PRKN: variants seen among roughly 807,000 people sequenced by gnomAD.
The protein encoded by PRKN is parkin RBR E3 ubiquitin protein ligase, also known as E3 ubiquitin-protein ligase parkin.
In PRKN, 56 loss-of-function variants were observed where a neutral mutation model predicts 59.5. That is an observed-to-expected ratio of 0.94 (90% CI 0.76 to 1.18). PRKN has a LOEUF of 1.18. Ranked by LOEUF, PRKN falls within the 50% of genes most tolerant of loss-of-function variation. The probability of loss-of-function intolerance (pLI) is 0.00; values close to 1 mark genes in which losing one functional copy is unlikely to be tolerated. For missense variants in PRKN, 657 were observed against 596.4 expected, an observed-to-expected ratio of 1.10 and a Z score of -1.06; for synonymous variants, 250 against 222.1, an observed-to-expected ratio of 1.13 and a Z score of -1.12.
intron 4 of PRKN, among the ~76,000 whole-genome samples, chr6:162,170,273 C>T (rs1050673844): frequency 5.9e-5 from 9 of 152,186 alleles, no homozygotes; most frequent in African/African-American, 1.7e-4. Flanking sequence ...GCAATTCACA[C>T]ATCAACGTTT....
intron 6 of PRKN, among the ~76,000 whole-genome samples, chr6:161,874,297 C>A (rs1409582194): frequency 2.1e-4 from 5 of 24,086 alleles, no homozygotes; most frequent in East Asian, 1.1e-3. Context: ...TTATATATTA[C>A]ATGTAAAATA....
chr6:161,612,111 C>T (rs9347525), intron 7 of PRKN, among the ~76,000 whole-genome samples: 8,224 of 152,204 alleles, frequency 0.054, 620 homozygotes, highest in African/African-American at 0.17. Context: ...GAGAGGTTGG[C>T]TCATGAAGCT....
chr6:162,304,489 TTCTATCTATCTA>T (rs6149895), intron 2 of PRKN, among the ~76,000 whole-genome samples: 2,233 of 128,622 alleles, frequency 0.017, 92 homozygotes, highest in Non-Finnish European at 0.019. Flanking sequence ...ACTCATCCAG[TTCTATCTATCTA>T]TCTATCTATC....
At chr6:162,622,952 T>C (rs985826627) in intron 1 of PRKN, among the ~76,000 whole-genome samples, 7 of 152,204 alleles carry the variant, frequency 4.6e-5, no homozygotes, top group African/African-American at 1.7e-4. Context: ...CAATGCTCAA[T>C]GTAGGATTTC....
rs767017699 is a variant in PRKN, at chr6:161,473,817, T to A, written c.1083+75037A>T. 3.9e-5 allele frequency among the ~76,000 whole-genome samples: 6 copies of A among 152,130 alleles called. No homozygotes were observed. Among genetic ancestry groups the A allele is most frequent in the Non-Finnish European group, 7.3e-5 (5 of 68,030 alleles). ...TTCACTATGTATAAATATATCAAAATATGTTGTACACCTTAACTATATATA... is the reference window on the plus strand; with the variant it reads ...TTCACTATGTATAAATATATCAAAAAATGTTGTACACCTTAACTATATATA... On this transcript the variant is annotated intron_variant, in intron 9 of 11. Transcript: ENST00000366898. The surrounding 1 kb of genome is among the most constrained non-coding windows in gnomAD (Gnocchi z 4.1).
intron 1 of PRKN, among the ~76,000 whole-genome samples, chr6:162,672,630 C>G (rs150531402): frequency 1.1e-4 from 16 of 151,592 alleles, no homozygotes; most frequent in African/African-American, 3.9e-4. Context: ...CTGTAGTAAA[C>G]CAAAATTCTT....
At chr6:161,482,260 A>G (rs1583132946) in intron 9 of PRKN, among the ~76,000 whole-genome samples, 1 of 152,348 alleles carries the variant, frequency 6.6e-6, no homozygotes, top group South Asian at 2.1e-4. Flanking sequence ...TTAATGCTTT[A>G]GGAACTGTGT....
At position 162,465,593 on chromosome 6, in the gene PRKN, G is replaced by C. The variant is rs532680385; in HGVS notation, c.8-22120C>G. Among the ~76,000 whole-genome samples, 21 of 152,228 alleles carry C rather than the reference G, an allele frequency of 1.4e-4. No homozygotes were observed. The South Asian group carries it at 2.7e-3, about 20-fold the overall frequency. ...AAATGCAAAATAATTCTTTTCTGGA[G>C]GTATTACTTAGCCAAATGTAATTTC... On this transcript the variant is annotated intron_variant, in intron 1 of 11. Coordinates refer to ENST00000366898, the MANE Select transcript of PRKN (RefSeq NM_004562.3).
intron 4 of PRKN, among the ~76,000 whole-genome samples, chr6:162,190,410 G>A (rs1467028088): frequency 6.6e-6 from 1 of 152,178 alleles, no homozygotes; most frequent in African/African-American, 2.4e-5. Flanking sequence ...TGCAGAGTAA[G>A]TGTCAACTCT....
At chr6:162,472,906 A>G (rs1791829929) in intron 1 of PRKN, among the ~76,000 whole-genome samples, 1 of 151,430 alleles carries the variant, frequency 6.6e-6, no homozygotes, top group Non-Finnish European at 1.5e-5. Flanking sequence ...CCTGAAAATT[A>G]TAGCCAGCTA....
chr6:161,969,549 G>GCTTA (rs1207005986), intron 6 of PRKN, among the ~76,000 whole-genome samples: 3 of 152,092 alleles, frequency 2.0e-5, no homozygotes, highest in Non-Finnish European at 4.4e-5. Flanking sequence ...GGTGGTTAGT[G>GCTTA]AGGGCGTTGG....
chr6:161,721,844 C>A (rs1787235921), intron 7 of PRKN, among the ~76,000 whole-genome samples: 1 of 152,156 alleles, frequency 6.6e-6, no homozygotes, highest in Non-Finnish European at 1.5e-5. Flanking sequence ...GGGTAAGTGG[C>A]AGATTCCATG....
intron 1 of PRKN, among the ~76,000 whole-genome samples, chr6:162,691,576 G>C (rs564928768): frequency 6.6e-5 from 10 of 152,232 alleles, no homozygotes; most frequent in African/African-American, 9.6e-5. Flanking sequence ...CAAGAAGTTT[G>C]AATAACCCTT....
chr6:162,045,511 A>G (rs1386242415), intron 5 of PRKN, among the ~76,000 whole-genome samples: 1 of 152,252 alleles, frequency 6.6e-6, no homozygotes, highest in Non-Finnish European at 1.5e-5. Flanking sequence ...AGTACGTGAC[A>G]TCGTCTCAGT....
rs543596739 is a variant in PRKN, at chr6:161,756,587, CT to C, written c.871+29184del. Among the ~76,000 whole-genome samples the C allele has an allele frequency of 3.4e-3, 518 of 151,520 alleles. 6 individuals carry two copies. Among genetic ancestry groups the C allele is most frequent in the African/African-American group, 0.012 (479 of 41,292 alleles). ...CTTTCCTTTTCTTCTTTCCTTCTCT[CT>C]CTCTCTCCCCCTACCTCCTCTTTTT... is the stretch of plus-strand genomic sequence containing the variant. On this transcript the variant is annotated intron_variant, in intron 7 of 11. Transcript: ENST00000366898.
intron 3 of PRKN, among the ~76,000 whole-genome samples, chr6:162,223,643 A>T (rs535364975): frequency 8.8e-5 from 9 of 102,682 alleles, no homozygotes; most frequent in Admixed American, 3.5e-4. Context: ...ACACACACAC[A>T]CACACACACA....
intron 6 of PRKN, among the ~76,000 whole-genome samples, chr6:161,867,740 C>CATTTATTTATTTATTTATTTATTT (rs58083987): frequency 1.2e-4 from 17 of 137,606 alleles, no homozygotes; most frequent in South Asian, 2.3e-4. Flanking sequence ...AAAAATCTTT[C>CATTTATTTATTTATTTATTTATTT]ATTTATTTAT....
chr6:161,928,331 G>A (rs193276202), intron 6 of PRKN, among the ~76,000 whole-genome samples: 2 of 152,300 alleles, frequency 1.3e-5, no homozygotes, highest in East Asian at 3.9e-4. Flanking sequence ...AATAATTTAT[G>A]ATGGTTAAAA....
chr6:162,308,276 G>C (rs1237241237), intron 2 of PRKN, among the ~76,000 whole-genome samples: 1 of 152,080 alleles, frequency 6.6e-6, no homozygotes, highest in African/African-American at 2.4e-5. Context: ...ATGCATCTCT[G>C]CTAAGAAAGA....
Sources: allele counts gnomAD v4.1 joint callset (sites outside exome capture counted in the v4.1 genomes callset), GRCh38; gene constraint gnomAD v4.1.1; non-coding constraint Gnocchi (gnomAD v3.1); transcripts MANE v1.5; gene names NCBI Gene and HGNC (gene_info 2026-07-23, HGNC 2026-07-21).